Variants in CA1 observed in about 807,000 individuals in gnomAD.
CA1 encodes the protein carbonic anhydrase 1.
In CA1, 27 loss-of-function variants were observed where a neutral mutation model predicts 28.8. The ratio of observed to expected loss-of-function variants is 0.94; its 90% CI spans 0.69 to 1.29. The LOEUF (loss-of-function observed/expected upper bound fraction) is 1.29, where lower values mean the gene tolerates loss of function less well. Ranked by LOEUF, CA1 falls within the 50% of genes most tolerant of loss-of-function variation. The pLI is 0.00. For synonymous variants in CA1, 121 were observed against 108.8 expected (o/e 1.11, Z -0.70); for missense variants, 335 against 310.5 (o/e 1.08, Z -0.59).
chr8:85,360,952 C>CCCTG (rs1382304823), intron 1 of CA1, among the ~76,000 whole-genome samples: 1 of 152,202 alleles, frequency 6.6e-6, no homozygotes, highest in Non-Finnish European at 1.5e-5. Flanking sequence ...AACCACCAGG[C>CCCTG]CCTGGGGAGA....
chr8:85,363,575 T>C (rs1170931041), intron 1 of CA1, among the ~76,000 whole-genome samples: 1 of 152,142 alleles, frequency 6.6e-6, no homozygotes, highest in Non-Finnish European at 1.5e-5. Context: ...CAGCTTGGAG[T>C]TATCTGTGTC....
rs1491431411 is a variant in CA1 at position 85,338,717 on chromosome 8, T to TC, written c.38-269_38-268insG. Among the ~76,000 whole-genome samples the TC allele has an allele frequency of 5.4e-3, 572 of 106,816 alleles. 40 individuals are homozygous for TC. The highest frequency in any genetic ancestry group is 0.012 in the African/African-American group (214 of 18,170). 70.1% of individuals were successfully genotyped at this position (106,816 alleles called of 152,430 possible). ...CTCTCTCTCTCTTTCTTTCTCTCTC[T>TC]TTTTTTTTTTTTTTTTGACAGAGTC... On this transcript the variant is annotated intron_variant, in intron 2 of 7. Coordinates refer to ENST00000523022, the MANE Select transcript of CA1 (RefSeq NM_001128831.4).
chr8:85,339,935 G>A (rs1481780213), intron 2 of CA1, among the ~76,000 whole-genome samples: 3 of 152,194 alleles, frequency 2.0e-5, no homozygotes, highest in South Asian at 2.1e-4. Context: ...GAAGCTAGTC[G>A]AGGTTGGTTT....
chr8:85,374,749 GCACA>G (rs1446931529), intron 1 of CA1, among the ~76,000 whole-genome samples: 2 of 152,132 alleles, frequency 1.3e-5, no homozygotes, highest in Non-Finnish European at 2.9e-5. Context: ...CCATTAGGAA[GCACA>G]CTTTCACTTT....
At position 85,361,800 on chromosome 8, in the gene CA1, C is replaced by T. The variant is rs546430743; in HGVS notation, c.-25+16246G>A. On this transcript the variant is annotated intron_variant, in intron 1 of 7. Coordinates refer to ENST00000523022, the MANE Select transcript of CA1 (RefSeq NM_001128831.4). ...CCATGTGGATTGCACCTCATCCTTT[C>T]TTCACTGGACCAGCGCTATTAGCAC... 8.5e-5 allele frequency among the ~76,000 whole-genome samples: 13 copies of T among 152,314 alleles called. No homozygotes were observed. The South Asian group carries it at 2.5e-3, about 29-fold the overall frequency.
At chr8:85,341,434 CA>C in intron 2 of CA1, 164 bp downstream of exon 2, 1 of 568,248 alleles carries the variant, frequency 1.8e-6, no homozygotes, top group Non-Finnish European at 3.1e-6. Context: ...AGCCATGCCC[CA>C]AAAGACAATG....
intron 4 of CA1, among the ~76,000 whole-genome samples, chr8:85,335,802 A>C (rs560086420): frequency 1.3e-5 from 2 of 152,304 alleles, no homozygotes; most frequent in South Asian, 4.1e-4. Context: ...ATGGAGGGGA[A>C]AACCCAATTA....
chr8:85,361,229 G>A (rs1370642154), intron 1 of CA1, among the ~76,000 whole-genome samples: 2 of 152,108 alleles, frequency 1.3e-5, no homozygotes, highest in South Asian at 4.1e-4. Context: ...CCTGGCTATC[G>A]ATCTCTTTAA....
chr8:85,374,702 T>C (rs1402268497), intron 1 of CA1, among the ~76,000 whole-genome samples: 1 of 152,184 alleles, frequency 6.6e-6, no homozygotes, highest in Non-Finnish European at 1.5e-5. Context: ...CACCATCTGT[T>C]TCTCTTCAAT....
intron 1 of CA1, among the ~76,000 whole-genome samples, chr8:85,372,141 C>T (rs555779900): frequency 6.6e-6 from 1 of 151,826 alleles, no homozygotes; most frequent in African/African-American, 2.4e-5. Flanking sequence ...ATTTTACAAG[C>T]GAGGAAACAA....
chr8:85,332,497 T>C lies in CA1; in HGVS notation c.506A>G (p.Lys169Arg), dbSNP rs908944567. ...QKVLDALQAI[K>R]TKGKRAPFTN... Reference sequence around the variant, plus strand: ...CTTATTTAGTGTGTTTACCTTGGTTTTAATTGCTTGGAGGGCATCAAGTAC... The same window carrying C: ...CTTATTTAGTGTGTTTACCTTGGTTCTAATTGCTTGGAGGGCATCAAGTAC... The change falls in exon 6 of 8, where the codon AAA (lysine) becomes AGA (arginine). Residue 169 changes from lysine (K) to arginine (R), a missense_variant. Coordinates refer to ENST00000523022, the MANE Select transcript of CA1 (RefSeq NM_001128831.4). 2 of 1,612,066 alleles carry C rather than the reference T, an allele frequency of 1.2e-6. No homozygotes were observed. Among genetic ancestry groups the C allele is most frequent in the Non-Finnish European group, 1.7e-6 (2 of 1,178,504 alleles).
intron 1 of CA1, among the ~76,000 whole-genome samples, chr8:85,353,488 C>G (rs930261998): frequency 1.3e-5 from 2 of 152,104 alleles, no homozygotes; most frequent in Non-Finnish European, 2.9e-5. Context: ...TTATTTTGCT[C>G]TTTCGAAAAA....
chr8:85,332,328 G>T (rs2130136202), intron 6 of CA1, 162 bp downstream of exon 6: 1 of 623,810 alleles, frequency 1.6e-6, no homozygotes, highest in Non-Finnish European at 2.9e-6. Flanking sequence ...CTGCATTAGA[G>T]ACTTTCTCAG....
At chr8:85,339,686 C>T (rs531821617) in intron 2 of CA1, among the ~76,000 whole-genome samples, 7 of 152,178 alleles carry the variant, frequency 4.6e-5, no homozygotes, top group South Asian at 2.1e-4. Flanking sequence ...TTAGTCAAGC[C>T]GTGAATGCAA....
chr8:85,357,906 T>C (rs561364172), intron 1 of CA1, among the ~76,000 whole-genome samples: 59 of 152,362 alleles, frequency 3.9e-4, no homozygotes, highest in Non-Finnish European at 7.6e-4. Context: ...TCTGAGCATC[T>C]GTGGTCATGC....
At chr8:85,333,836 C>A (rs1225435357) in intron 4 of CA1, among the ~76,000 whole-genome samples, 1 of 152,138 alleles carries the variant, frequency 6.6e-6, no homozygotes, top group African/African-American at 2.4e-5. Context: ...AACCAGTAAG[C>A]AAAATGTCCT....
Position 85,328,688 on chromosome 8 carries a change from A to G in CA1, c.670-12T>C. The G allele has an allele frequency of 6.6e-7, 1 of 1,519,946 alleles. No homozygotes were observed. The highest frequency in any genetic ancestry group is 1.9e-4 in the Middle Eastern group (1 of 5,368). The allele number at this position is 1,519,946 out of a possible 1,614,324, so 94.2% of individuals were successfully genotyped here. A position where few individuals can be genotyped will look rare whatever the true frequency, so the allele number is the denominator to read the frequency against. ...CGGAATTGTGCCAGCTAGAAGGATA[A>G]AATATTTTAAAAATAAAAAGTTTTT... On this transcript the variant is annotated splice_polypyrimidine_tract_variant and intron_variant, in intron 7 of 7. Transcript: ENST00000523022.
At chr8:85,336,525 T>TA (rs1808660471) in intron 4 of CA1, among the ~76,000 whole-genome samples, 1 of 152,132 alleles carries the variant, frequency 6.6e-6, no homozygotes, top group African/African-American at 2.4e-5. Flanking sequence ...AAATTCGAGC[T>TA]CTTAGTAGAG....
At chr8:85,348,246 A>T (rs958207297) in intron 1 of CA1, among the ~76,000 whole-genome samples, 2 of 151,978 alleles carry the variant, frequency 1.3e-5, no homozygotes, top group Non-Finnish European at 2.9e-5. Flanking sequence ...CAGTGAATAA[A>T]TTTTTTTTCA....
Sources: allele counts gnomAD v4.1 joint callset (sites outside exome capture counted in the v4.1 genomes callset), GRCh38; gene constraint gnomAD v4.1.1; transcripts MANE v1.5; gene names NCBI Gene and HGNC (gene_info 2026-07-23, HGNC 2026-07-21).